DOCK1: variants seen among roughly 807,000 people sequenced by gnomAD.
The protein encoded by DOCK1 is dedicator of cytokinesis protein 1.
In DOCK1, 138 loss-of-function variants were observed where a neutral mutation model predicts 262.7. The observed-to-expected ratio is 0.53, with a 90% CI of 0.46 to 0.61. The LOEUF (loss-of-function observed/expected upper bound fraction) is 0.61, where lower values mean the gene tolerates loss of function less well. DOCK1 is among the 20% of genes least tolerant of loss of function. The pLI is 0.00. For synonymous variants in DOCK1, 866 were observed against 867.4 expected (o/e 1.00, Z 0.03); for missense variants, 1,908 against 2,370.7 (o/e 0.80, Z 4.05).
At chr10:127,018,507 C>A in intron 12 of DOCK1, 1 of 671,634 alleles carries the variant, frequency 1.5e-6, no homozygotes, top group South Asian at 1.9e-5. Flanking sequence ...TAGGGCAGGG[C>A]TGGCATCCCA....
chr10:127,223,022 C>CAAA lies in DOCK1; in HGVS notation c.2848-24985_2848-24983dup, dbSNP rs2058500690. 1.1e-4 allele frequency among the ~76,000 whole-genome samples: 17 copies of CAAA among 152,236 alleles called. 2 individuals are homozygous for CAAA. Among genetic ancestry groups the CAAA allele is most frequent in the Admixed American group, 1.1e-3 (17 of 15,282 alleles). ...AGATTGACTTTATAGTTTGGATCTG[C>CAAA]AAATAAGTTTTAAAAAATTGTAGAA... On this transcript the variant is annotated intron_variant, in intron 27 of 51. Transcript: ENST00000623213.
chr10:127,181,999 A>T (rs1460364533), intron 27 of DOCK1, among the ~76,000 whole-genome samples: 1 of 152,118 alleles, frequency 6.6e-6, no homozygotes, highest in East Asian at 1.9e-4. Context: ...GAGGTCACTG[A>T]TGAGGACCAA....
At chr10:127,362,865 A>ACACACACACATACACATCCC (rs1565026580) in intron 33 of DOCK1, among the ~76,000 whole-genome samples, 3 of 142,670 alleles carry the variant, frequency 2.1e-5, no homozygotes, top group East Asian at 2.0e-4. Context: ...GTACATCCCC[A>ACACACACACATACACATCCC]CACACACACA....
intron 27 of DOCK1, among the ~76,000 whole-genome samples, chr10:127,226,432 C>T (rs1180057257): frequency 1.3e-5 from 2 of 152,116 alleles, no homozygotes; most frequent in Non-Finnish European, 2.9e-5. Context: ...TTCCACCTCT[C>T]TGCCCAGCCC....
chr10:127,299,141 C>G (rs966921186), intron 29 of DOCK1, among the ~76,000 whole-genome samples: 3 of 152,198 alleles, frequency 2.0e-5, no homozygotes, highest in Non-Finnish European at 4.4e-5. Context: ...CTCTGTCACT[C>G]AGGCTGGAGT....
At chr10:127,397,349 T>G (rs2066942234) in intron 38 of DOCK1, among the ~76,000 whole-genome samples, 1 of 151,164 alleles carries the variant, frequency 6.6e-6, no homozygotes, top group Admixed American at 6.6e-5. Context: ...CGGTGTCTCC[T>G]ATGTGATCTG....
chr10:127,433,568 C>T (rs2069449779), intron 48 of DOCK1, 140 bp downstream of exon 48: 1 of 1,206,322 alleles, frequency 8.3e-7, no homozygotes, highest in Non-Finnish European at 1.1e-6. Context: ...CTGAGACCCT[C>T]CGAGACTTTC....
chr10:126,949,477 G>T (rs2035986380), intron 1 of DOCK1, among the ~76,000 whole-genome samples: 1 of 152,126 alleles, frequency 6.6e-6, no homozygotes, highest in African/African-American at 2.4e-5. Context: ...AGGGAGGGTT[G>T]GTCCTATGAT....
At chr10:127,321,543 A>C (rs2135569910) in intron 29 of DOCK1, among the ~76,000 whole-genome samples, 1 of 151,470 alleles carries the variant, frequency 6.6e-6, no homozygotes, top group South Asian at 2.1e-4. Context: ...CTTGACCTTC[A>C]CCTGATCCCA....
intron 1 of DOCK1, among the ~76,000 whole-genome samples, chr10:126,948,660 A>C (rs1472492613): frequency 6.6e-6 from 1 of 151,908 alleles, no homozygotes; most frequent in Non-Finnish European, 1.5e-5. Flanking sequence ...AGGTATGCTG[A>C]GCCAGAGGCA....
intron 29 of DOCK1, among the ~76,000 whole-genome samples, chr10:127,287,438 C>T (rs949693461): frequency 6.6e-6 from 1 of 152,160 alleles, no homozygotes; most frequent in African/African-American, 2.4e-5. Flanking sequence ...GATCCTCCCA[C>T]CTCAGCCTCC....
chr10:127,114,100 C>T (rs1421411265), intron 25 of DOCK1, among the ~76,000 whole-genome samples: 1 of 152,198 alleles, frequency 6.6e-6, no homozygotes, highest in Non-Finnish European at 1.5e-5. Context: ...TGGCACGCCC[C>T]CCATGTGGAA....
At chr10:127,408,889 C>CA (rs3832704) in intron 40 of DOCK1, 148 bp from the exon 41 acceptor site, 240,750 of 1,081,802 alleles carry the variant, frequency 0.22, 21,182 homozygotes, top group Middle Eastern at 0.27. Context: ...AACGCAAGTA[C>CA]AAAAAAAAAT....
intron 12 of DOCK1, among the ~76,000 whole-genome samples, chr10:127,016,733 CCACA>C (rs771716580): frequency 8.8e-5 from 5 of 57,046 alleles, no homozygotes; most frequent in South Asian, 1.4e-3. Flanking sequence ...CACACACACA[CCACA>C]CACACACACA....
chr10:126,908,776 C>G (rs993998078), intron 1 of DOCK1, among the ~76,000 whole-genome samples: 5 of 152,192 alleles, frequency 3.3e-5, no homozygotes, highest in East Asian at 1.9e-4. Context: ...CTTGACTCAG[C>G]TGTCACACTG....
At chr10:127,069,713 C>A (rs906466499) in intron 23 of DOCK1, among the ~76,000 whole-genome samples, 7 of 152,062 alleles carry the variant, frequency 4.6e-5, no homozygotes, top group Admixed American at 4.6e-4. Flanking sequence ...CTGAGGCTGG[C>A]AACTCAGGTG....
At chr10:126,953,645 T>C (rs1041304744) in intron 1 of DOCK1, among the ~76,000 whole-genome samples, 43 of 152,254 alleles carry the variant, frequency 2.8e-4, no homozygotes, top group Admixed American at 2.4e-3. Context: ...CTTCGTGGCA[T>C]AGGCCTCCTG....
intron 47 of DOCK1, among the ~76,000 whole-genome samples, chr10:127,431,208 C>T (rs1029273603): frequency 2.0e-5 from 3 of 152,174 alleles, no homozygotes; most frequent in Non-Finnish European, 2.9e-5. Context: ...AGTGTCTGGC[C>T]GTGGAGTCCC....
chr10:127,143,610 A>G (rs951079), intron 27 of DOCK1, among the ~76,000 whole-genome samples: 123,973 of 152,130 alleles, frequency 0.81, 51,460 homozygotes, highest in South Asian at 0.92. Flanking sequence ...TCCCCAAAGC[A>G]CAACAATTTA....
Sources: gnomAD v4.1 joint callset for allele counts (sites outside exome capture counted in the v4.1 genomes callset) on GRCh38, gnomAD v4.1.1 for gene constraint, MANE v1.5 for transcripts, NCBI Gene and HGNC (gene_info 2026-07-23, HGNC 2026-07-21) for gene names.